The following KCTD8 variants were observed in gnomAD, a reference collection of about 807,000 sequenced individuals.
KCTD8 encodes the protein potassium channel tetramerization domain containing 8.
A neutral mutation model predicts 31.5 loss-of-function variants in KCTD8; 27 were observed. That is an observed-to-expected ratio of 0.86 (90% CI 0.63 to 1.18). KCTD8 has a LOEUF of 1.18. Ranked by LOEUF, KCTD8 falls within the 50% of genes most tolerant of loss-of-function variation. The pLI is 0.00. For missense variants in KCTD8, 658 were observed against 647.7 expected, an observed-to-expected ratio of 1.02 and a Z score of -0.17; for synonymous variants, 290 against 280.0, an observed-to-expected ratio of 1.04 and a Z score of -0.36.
chr4:44,194,886 A>T lies in KCTD8; in HGVS notation c.962-19636T>A, dbSNP rs543645396. On this transcript the variant is annotated intron_variant, in intron 1 of 1. Transcript: ENST00000360029. The stretch of plus-strand genomic sequence containing the variant: ...CTCTTTTTTTTTTGGATGGAGTTTC[A>T]TTCTTGTTGCCCAGGCTGGAGTGCA... Among the ~76,000 whole-genome samples the T allele has an allele frequency of 1.5e-4, 21 of 136,056 alleles. No individual in the cohort carries two copies. In the South Asian group the frequency reaches 2.2e-3, roughly 14 times the overall value. The allele number at this position is 136,056 out of a possible 152,430, so 89.3% of individuals were successfully genotyped here.
chr4:44,234,015 A>G (rs1421990953), intron 1 of KCTD8, among the ~76,000 whole-genome samples: 1 of 152,196 alleles, frequency 6.6e-6, no homozygotes, highest in South Asian at 2.1e-4. Flanking sequence ...ATATAATAAG[A>G]TTAAACAATT....
rs535645448 is a variant in KCTD8, at chr4:44,324,764, T to G, written c.961+122799A>C. 6.0e-4 allele frequency among the ~76,000 whole-genome samples: 91 copies of G among 152,144 alleles called. 1 individual carries two copies. In the Middle Eastern group the frequency reaches 0.01, roughly 17 times the overall value. ...TTGGAGACTTTTGATAAACATGTTA[T>G]TTTCTTAATATAAGACTTTTTAAAT... On this transcript the variant is annotated intron_variant, in intron 1 of 1. Transcript: ENST00000360029.
intron 1 of KCTD8, among the ~76,000 whole-genome samples, chr4:44,246,716 C>G (rs1259303079): frequency 6.6e-6 from 1 of 151,960 alleles, no homozygotes; most frequent in African/African-American, 2.4e-5. Flanking sequence ...TTTCATTCCC[C>G]CATTTCTACC....
intron 1 of KCTD8, among the ~76,000 whole-genome samples, chr4:44,283,601 A>C (rs909499341): frequency 1.2e-4 from 18 of 152,162 alleles, no homozygotes; most frequent in Non-Finnish European, 1.5e-5. Context: ...AAGAAGTCCT[A>C]GATGACAGCA....
intron 1 of KCTD8, among the ~76,000 whole-genome samples, chr4:44,317,146 C>T (rs1347673645): frequency 3.3e-5 from 5 of 150,916 alleles, no homozygotes; most frequent in Non-Finnish European, 7.4e-5. Flanking sequence ...TTATGAGTCT[C>T]CAGCAGGAGT....
At chr4:44,191,686 A>T (rs1462929127) in intron 1 of KCTD8, among the ~76,000 whole-genome samples, 2 of 152,050 alleles carry the variant, frequency 1.3e-5, no homozygotes, top group African/African-American at 2.4e-5. Flanking sequence ...TGGGGAAAAA[A>T]TCCCGCCCTG....
At chr4:44,355,369 T>C (rs1004031341) in intron 1 of KCTD8, among the ~76,000 whole-genome samples, 1 of 152,140 alleles carries the variant, frequency 6.6e-6, no homozygotes, top group African/African-American at 2.4e-5. Flanking sequence ...ATTAAGACAT[T>C]TGCTTTATAG....
chr4:44,243,144 T>C (rs902717253), intron 1 of KCTD8, among the ~76,000 whole-genome samples: 8 of 152,152 alleles, frequency 5.3e-5, no homozygotes, highest in Non-Finnish European at 1.2e-4. Flanking sequence ...CAGGAAATGA[T>C]GAAAGACAGA....
chr4:44,179,031 G>T (rs144575855), intron 1 of KCTD8, among the ~76,000 whole-genome samples: 20 of 152,196 alleles, frequency 1.3e-4, no homozygotes, highest in Admixed American at 2.6e-4. Context: ...AGTGGGTGAG[G>T]ACAAAAAGAT....
chr4:44,240,423 G>T (rs1245809225), intron 1 of KCTD8, among the ~76,000 whole-genome samples: 1 of 152,104 alleles, frequency 6.6e-6, no homozygotes. Flanking sequence ...ATCTTGTCTT[G>T]CTCTAGGCAT....
At chr4:44,331,883 G>A (rs1441663312) in intron 1 of KCTD8, among the ~76,000 whole-genome samples, 2 of 150,782 alleles carry the variant, frequency 1.3e-5, no homozygotes, top group Non-Finnish European at 3.0e-5. Flanking sequence ...TATACACAGA[G>A]AGAGAGAAAG....
At chr4:44,268,938 T>A (rs1384757602) in intron 1 of KCTD8, among the ~76,000 whole-genome samples, 1 of 152,158 alleles carries the variant, frequency 6.6e-6, no homozygotes, top group Admixed American at 6.6e-5. Flanking sequence ...GTAGGAAGAA[T>A]CAATATTGTG....
chr4:44,186,709 T>G (rs1713600721), intron 1 of KCTD8, among the ~76,000 whole-genome samples: 1 of 152,204 alleles, frequency 6.6e-6, no homozygotes, highest in South Asian at 2.1e-4. Context: ...CCGCATCACA[T>G]GCCCTGCCAG....
At chr4:44,266,743 C>T (rs1429585003) in intron 1 of KCTD8, among the ~76,000 whole-genome samples, 1 of 152,032 alleles carries the variant, frequency 6.6e-6, no homozygotes, top group Non-Finnish European at 1.5e-5. Flanking sequence ...GGGTTGCAAT[C>T]CTAGTCTCTG....
chr4:44,366,216 T>G (rs1156442182), intron 1 of KCTD8, among the ~76,000 whole-genome samples: 1 of 152,156 alleles, frequency 6.6e-6, no homozygotes, highest in Non-Finnish European at 1.5e-5. Flanking sequence ...GAGGCTTATA[T>G]GTGGGGACCT....
chr4:44,196,513 T>A (rs1713945960), intron 1 of KCTD8, among the ~76,000 whole-genome samples: 1 of 152,162 alleles, frequency 6.6e-6, no homozygotes, highest in African/African-American at 2.4e-5. Context: ...GTGCACCCGC[T>A]CTCATGAAGA....
At chr4:44,210,651 G>GA (rs1207165178) in intron 1 of KCTD8, among the ~76,000 whole-genome samples, 1 of 152,068 alleles carries the variant, frequency 6.6e-6, no homozygotes, top group East Asian at 1.9e-4. Flanking sequence ...TCCTGAGTGG[G>GA]AAAATAAGAA....
At chr4:44,187,062 T>C (rs1713610654) in intron 1 of KCTD8, among the ~76,000 whole-genome samples, 1 of 152,168 alleles carries the variant, frequency 6.6e-6, no homozygotes, top group Non-Finnish European at 1.5e-5. Context: ...CATTTAGCAG[T>C]GAGTCATAAG....
At chr4:44,373,728 G>T (rs12512585) in intron 1 of KCTD8, among the ~76,000 whole-genome samples, 19,752 of 151,936 alleles carry the variant, frequency 0.13, 1,424 homozygotes, top group East Asian at 0.25. Context: ...TTAACAGATT[G>T]TTTTTTCCCA....
Sources: allele counts gnomAD v4.1 joint callset (sites outside exome capture counted in the v4.1 genomes callset), GRCh38; gene constraint gnomAD v4.1.1; transcripts MANE v1.5; gene names NCBI Gene and HGNC (gene_info 2026-07-23, HGNC 2026-07-21).